Variants in PIP5K1C observed in about 807,000 individuals in gnomAD.
PIP5K1C encodes the protein phosphatidylinositol 4-phosphate 5-kinase type-1 gamma.
A neutral mutation model predicts 80.1 loss-of-function variants in PIP5K1C; 45 were observed. The ratio of observed to expected loss-of-function variants is 0.56; its 90% confidence interval spans 0.44 to 0.72. The LOEUF is 0.72. Ranked by LOEUF, PIP5K1C falls within the 30% of genes least tolerant of loss-of-function variation. The pLI is 0.00. For missense variants in PIP5K1C, 753 were observed against 954.6 expected, an observed-to-expected ratio of 0.79 and a Z score of 2.78; for synonymous variants, 498 against 420.1, an observed-to-expected ratio of 1.19 and a Z score of -2.27.
intron 1 of PIP5K1C, among the ~76,000 whole-genome samples, chr19:3,689,558 A>C (rs1037344575): frequency 6.6e-6 from 1 of 152,196 alleles, no homozygotes; most frequent in Admixed American, 6.5e-5. Flanking sequence ...CTGAGGCAGC[A>C]GAATTGCTTG....
intron 3 of PIP5K1C, among the ~76,000 whole-genome samples, chr19:3,662,366 G>T (rs1306839813): frequency 6.6e-6 from 1 of 152,184 alleles, no homozygotes; most frequent in East Asian, 1.9e-4. Flanking sequence ...TTTTTAGGGG[G>T]TACCATTTAC....
chr19:3,683,697 C>A (rs546293862), intron 1 of PIP5K1C, among the ~76,000 whole-genome samples: 45 of 152,248 alleles, frequency 3.0e-4, no homozygotes, highest in Non-Finnish European at 5.4e-4. Context: ...ACAGCAGGGA[C>A]GGGAGGAGAG....
At chr19:3,636,297 G>C (rs1295355652) in intron 16 of PIP5K1C, 4 of 795,372 alleles carry the variant, frequency 5.0e-6, no homozygotes, top group Non-Finnish European at 1.5e-6. Context: ...CCAGAACCGG[G>C]TGACCCCAGG....
At chr19:3,686,347 G>A (rs2035758439) in intron 1 of PIP5K1C, among the ~76,000 whole-genome samples, 1 of 151,706 alleles carries the variant, frequency 6.6e-6, no homozygotes, top group Admixed American at 6.6e-5. Context: ...ATGAACCAGG[G>A]AGGCAGAGCT....
chr19:3,660,137 A>G (rs1362197701), intron 5 of PIP5K1C, among the ~76,000 whole-genome samples: 1 of 152,124 alleles, frequency 6.6e-6, no homozygotes, highest in Admixed American at 6.5e-5. Context: ...TCCCAGCACT[A>G]CGGGAGGCTG....
Position 3,664,891 on chromosome 19 carries a change from C to G in PIP5K1C, c.150G>C (p.Pro50=). 1.2e-6 allele frequency: 2 copies of G among 1,613,098 alleles called. No homozygotes were observed. The highest frequency in any genetic ancestry group is 1.7e-6 in the Non-Finnish European group (2 of 1,179,896). Residue 50 remains proline (P), a synonymous_variant, in exon 3 of 18, where the codon CCG becomes CCC. Coordinates refer to ENST00000335312, the MANE Select transcript of PIP5K1C (RefSeq NM_012398.3). The part of the protein sequence containing the change: ...PTEVLSMTAQ[P]GPGHGKKLGH... ...CCAACTTCTTCCCATGGCCAGGGCC[C>G]GGCTGTGCCGTCATGGACAGAACCT...
In PIP5K1C at chr19:3,680,082, T is replaced by C. The variant is rs143015795; in HGVS notation, c.95-12729A>G. ...AGCCCCACAATCAAGCCTGGAACAA[T>C]GGCCCTGAAGTGACTACAGGCTAGT... On this transcript the variant is annotated intron_variant, in intron 1 of 17. Coordinates refer to ENST00000335312, the MANE Select transcript of PIP5K1C (RefSeq NM_012398.3). Among the ~76,000 whole-genome samples, 418 of 152,276 alleles carry C rather than the reference T, an allele frequency of 2.7e-3. 3 individuals are homozygous for C. Among genetic ancestry groups the C allele is most frequent in the Middle Eastern group, 3.4e-3 (1 of 294 alleles).
chr19:3,647,439 G>C, intron 9 of PIP5K1C, 53 bp from the exon 10 acceptor site: 1 of 1,495,422 alleles, frequency 6.7e-7, no homozygotes, highest in South Asian at 1.2e-5. Context: ...CCCATGCCAG[G>C]CCACCTCACT....
At position 3,641,521 on chromosome 19, in the gene PIP5K1C, G is replaced by C. The variant is rs1276547780; in HGVS notation, c.1787+184C>G. Among the ~76,000 whole-genome samples, 3 of 152,146 alleles carry C rather than the reference G, an allele frequency of 2.0e-5. No homozygotes were observed. The East Asian group carries it at 5.8e-4, about 29-fold the overall frequency. ...ATCGCCCAGTGTCCCCTGGGGGCTA[G>C]GATCACCCCGGCTAGTCGAGAACCA... On this transcript the variant is annotated intron_variant, in intron 15 of 17. Coordinates refer to ENST00000335312, the MANE Select transcript of PIP5K1C (RefSeq NM_012398.3).
At chr19:3,634,219 G>C (rs752247568) in intron 16 of PIP5K1C, among the ~76,000 whole-genome samples, 2 of 152,096 alleles carry the variant, frequency 1.3e-5, no homozygotes, top group Non-Finnish European at 2.9e-5. Context: ...AGGGGTCCCA[G>C]GTCTGGGTGG....
intron 12 of PIP5K1C, 141 bp from the exon 13 acceptor site, chr19:3,643,522 G>T: frequency 2.1e-6 from 2 of 958,338 alleles, no homozygotes; most frequent in Non-Finnish European, 3.2e-6. Context: ...CTCCCCACAC[G>T]GCAGGGAAGG....
chr19:3,690,677 T>C (rs1044544054), intron 1 of PIP5K1C, among the ~76,000 whole-genome samples: 1 of 152,156 alleles, frequency 6.6e-6, no homozygotes, highest in African/African-American at 2.4e-5. Context: ...ACAATCATCG[T>C]AGGAGAAGAT....
intron 1 of PIP5K1C, among the ~76,000 whole-genome samples, chr19:3,687,488 C>CGCACATACACGCACACAT (rs936724180): frequency 6.6e-6 from 1 of 152,142 alleles, no homozygotes; most frequent in African/African-American, 2.4e-5. Context: ...GGGACACAGA[C>CGCACATACACGCACACAT]GCACATACAC....
rs776406420 is a variant in PIP5K1C at position 3,648,586 on chromosome 19, G to A, written c.1211+39C>T. 2.5e-5 allele frequency: 39 copies of A among 1,557,132 alleles called. No homozygotes were observed. The highest frequency in any genetic ancestry group is 1.9e-4 in the South Asian group (17 of 89,112). ...CGCCCACCTGTGGGACTGCAGACCC[G>A]GGGCGTCCACCTGTAGGACTGCAGA... On this transcript the variant is annotated intron_variant, in intron 9 of 17. Coordinates refer to ENST00000335312, the MANE Select transcript of PIP5K1C (RefSeq NM_012398.3). The surrounding 1 kb of genome is among the most constrained non-coding windows in gnomAD (Gnocchi z 4.3).
chr19:3,679,237 G>A (rs2035513063), intron 1 of PIP5K1C, among the ~76,000 whole-genome samples: 1 of 152,096 alleles, frequency 6.6e-6, no homozygotes, highest in Non-Finnish European at 1.5e-5. Flanking sequence ...TGGGGACACG[G>A]GTCACAGAGG....
intron 5 of PIP5K1C, among the ~76,000 whole-genome samples, chr19:3,659,109 C>G (rs1333460140): frequency 6.6e-6 from 1 of 152,162 alleles, no homozygotes; most frequent in Non-Finnish European, 1.5e-5. Flanking sequence ...CTCAGCTGTC[C>G]AATCAGAGAA....
intron 1 of PIP5K1C, chr19:3,669,776 T>G (rs1187259240): frequency 3.9e-5 from 6 of 152,078 alleles, no homozygotes; most frequent in Admixed American, 3.9e-4. Flanking sequence ...GACCCACGTG[T>G]GTCCCATCCA....
In PIP5K1C at chr19:3,648,018, ATTTTCTT is replaced by A. The variant is rs2034301388; in HGVS notation, c.1211+600_1211+606del. On this transcript the variant is annotated intron_variant, in intron 9 of 17. Coordinates refer to ENST00000335312, the MANE Select transcript of PIP5K1C (RefSeq NM_012398.3). The surrounding 1 kb of genome is among the most constrained non-coding windows in gnomAD (Gnocchi z 4.3). ...GTGAGGCCTCAAACCCACTCCTTGG[ATTTTCTT>A]TTTTCTTTTTTTTTGGGACAGGGTC... Among the ~76,000 whole-genome samples, 1 of 151,394 alleles carries A rather than the reference ATTTTCTT, an allele frequency of 6.6e-6. No homozygotes were observed. Among genetic ancestry groups the A allele is most frequent in the Admixed American group, 6.6e-5 (1 of 15,214 alleles).
chr19:3,679,676 G>A (rs1274761911), intron 1 of PIP5K1C, among the ~76,000 whole-genome samples: 1 of 152,180 alleles, frequency 6.6e-6, no homozygotes, highest in Non-Finnish European at 1.5e-5. Context: ...TGGAGAGGAC[G>A]TGACCTGGGA....
Sources: gnomAD v4.1 joint callset for allele counts (sites outside exome capture counted in the v4.1 genomes callset) on GRCh38, gnomAD v4.1.1 for gene constraint, Gnocchi (gnomAD v3.1) non-coding constraint, MANE v1.5 for transcripts, NCBI Gene and HGNC (gene_info 2026-07-23, HGNC 2026-07-21) for gene names.